The following TRAF1 variants were observed in gnomAD, a reference collection of about 807,000 sequenced individuals.
TRAF1 encodes TNF receptor-associated factor 1.
Under a neutral mutation model 40.9 loss-of-function variants are expected in TRAF1, and 23 were observed. That is an observed-to-expected ratio of 0.56 (90% CI 0.40 to 0.80). The LOEUF (loss-of-function observed/expected upper bound fraction) is 0.80. TRAF1 is among the 30% of genes least tolerant of loss of function. The pLI, the probability that TRAF1 is intolerant of heterozygous loss-of-function variation, is 0.00. For synonymous variants in TRAF1, 206 were observed against 218.8 expected, an observed-to-expected ratio of 0.94 and a Z score of 0.52; for missense variants, 477 against 528.7, an observed-to-expected ratio of 0.90 and a Z score of 0.96.
intron 3 of TRAF1, among the ~76,000 whole-genome samples, chr9:120,918,951 C>T (rs1028558331): frequency 2.6e-5 from 4 of 152,158 alleles, no homozygotes; most frequent in Non-Finnish European, 4.4e-5. Context: ...GTGGAGAAGC[C>T]GAAGCCCAGG....
rs752861714 is a variant in TRAF1 at position 120,913,700 on chromosome 9, G to A, written c.333C>T (p.Ser111=). The A allele has an allele frequency of 1.9e-6, 3 of 1,604,440 alleles. No individual in the cohort carries two copies. The highest frequency in any genetic ancestry group is 4.5e-5 in the East Asian group (2 of 44,708). ...ACAGCAGGTTTAGGTGGGAGGTCTGGGAGGTGACCTCATGCTCTTGCACAG... is the reference window on the plus strand; with the variant it reads ...ACAGCAGGTTTAGGTGGGAGGTCTGAGAGGTGACCTCATGCTCTTGCACAG... ...PQSVQEHEVT[S]QTSHLNLLLG... is the part of the protein sequence containing the mutation. The change falls in exon 5 of 8, where the codon TCC becomes TCT. Residue 111 remains serine, a synonymous_variant. Transcript: ENST00000373887.
Position 120,904,056 on chromosome 9 carries a change from A to G in TRAF1, c.*964T>C, listed in dbSNP as rs2046460300. The G allele has an allele frequency of 6.6e-6, 1 of 152,272 alleles. No homozygotes were observed. The highest frequency in any genetic ancestry group is 2.4e-5 in the African/African-American group (1 of 41,474). The allele number at this position is 152,272 out of a possible 1,614,324, so 9.4% of individuals were successfully genotyped here. On this transcript the variant is annotated 3_prime_UTR_variant, in exon 8 of 8. Transcript: ENST00000373887. ...GTCTGCTGAAAGAAGTGGATGCCTC[A>G]GTTAATCAGGTGTTACGGGATTCTG...
chr9:120,920,592 C>G (rs2046598468), intron 3 of TRAF1, among the ~76,000 whole-genome samples: 1 of 152,176 alleles, frequency 6.6e-6, no homozygotes, highest in Non-Finnish European at 1.5e-5. Flanking sequence ...ATCTCCAGCC[C>G]CCTGGCATCC....
chr9:120,918,508 C>G (rs545087181), intron 3 of TRAF1, among the ~76,000 whole-genome samples: 2 of 152,126 alleles, frequency 1.3e-5, no homozygotes, highest in Admixed American at 1.3e-4. Context: ...CGGGACATCT[C>G]CCAGTCCCAA....
intron 6 of TRAF1, among the ~76,000 whole-genome samples, chr9:120,910,600 T>C (rs774574468): frequency 1.3e-5 from 2 of 152,192 alleles, no homozygotes; most frequent in Non-Finnish European, 2.9e-5. Flanking sequence ...TCTTGTTACG[T>C]TGCCCAGGCT....
chr9:120,904,856 C>G lies in TRAF1; in HGVS notation c.*164G>C. 1.4e-6 allele frequency: 1 copy of G among 725,050 alleles called. No individual in the cohort carries two copies. Among genetic ancestry groups the G allele is most frequent in the Non-Finnish European group, 2.2e-6 (1 of 445,890 alleles). The allele number at this position is 725,050 out of a possible 1,614,324, so 44.9% of individuals were successfully genotyped here. A position where few individuals can be genotyped will look rare whatever the true frequency, so the allele number is the denominator to read the frequency against. Reference sequence around the variant, plus strand: ...GTGGGCCCAGCCCACGTCCTGCCATCCTAACCAGATGGCCAGCCCGAAGTC... The same window carrying G: ...GTGGGCCCAGCCCACGTCCTGCCATGCTAACCAGATGGCCAGCCCGAAGTC... On this transcript the variant is annotated 3_prime_UTR_variant, in exon 8 of 8. Coordinates refer to ENST00000373887, the MANE Select transcript of TRAF1 (RefSeq NM_005658.5).
chr9:120,913,242 A>C, intron 5 of TRAF1, 86 bp downstream of exon 5: 1 of 1,458,692 alleles, frequency 6.9e-7, no homozygotes, highest in Non-Finnish European at 9.2e-7. Context: ...AAGCAGGATG[A>C]ATGATTAGGA....
chr9:120,913,183 G>C (rs1449680522), intron 5 of TRAF1, 145 bp downstream of exon 5: 1 of 1,061,204 alleles, frequency 9.4e-7, no homozygotes, highest in African/African-American at 1.6e-5. Flanking sequence ...GCTCTTCCTG[G>C]AAGGGTGTGG....
chr9:120,911,602 G>C lies in TRAF1; in HGVS notation c.706-89C>G, dbSNP rs527618081. ...GGGATGTGGAGATTGATCTGCCCCAGATGTGTTTTGCTGACCACGCCTCAC... is the reference window on the plus strand; with the variant it reads ...GGGATGTGGAGATTGATCTGCCCCACATGTGTTTTGCTGACCACGCCTCAC... On this transcript the variant is annotated intron_variant, in intron 5 of 7. Transcript: ENST00000373887. 32 of 1,486,002 alleles carry C rather than the reference G, an allele frequency of 2.2e-5. 1 individual carries two copies. Among genetic ancestry groups the C allele is most frequent in the Non-Finnish European group, 2.8e-5 (31 of 1,094,266 alleles). The allele number at this position is 1,486,002 out of a possible 1,614,324, so 92.1% of individuals were successfully genotyped here.
intron 5 of TRAF1, 119 bp downstream of exon 5, chr9:120,913,209 C>T (rs773054741): frequency 2.5e-5 from 32 of 1,264,722 alleles, no homozygotes; most frequent in African/African-American, 7.6e-5. Context: ...AGGGGAGATA[C>T]GTTTTGATGG....
rs1290921202 is a variant in TRAF1, at chr9:120,902,520, GGGC to G, written c.*2497_*2499del. ...TGGGCAGGGCGGGGGGTGGGGGGGG[GGGC>G]GGTGGGCACTGCTGCATCTGATGCT... On this transcript the variant is annotated 3_prime_UTR_variant, in exon 8 of 8. Coordinates refer to ENST00000373887, the MANE Select transcript of TRAF1 (RefSeq NM_005658.5). 2 of 144,958 alleles carry G rather than the reference GGGC, an allele frequency of 1.4e-5. No individual in the cohort carries two copies. Among genetic ancestry groups the G allele is most frequent in the East Asian group, 4.3e-4 (2 of 4,618 alleles). 9.0% of individuals were successfully genotyped at this position (144,958 alleles called of 1,614,324 possible). A position where few individuals can be genotyped will look rare whatever the true frequency, so the allele number is the denominator to read the frequency against.
chr9:120,914,324 G>C lies in TRAF1; in HGVS notation c.229-24C>G, dbSNP rs754634484. 10 of 1,462,074 alleles carry C rather than the reference G, an allele frequency of 6.8e-6. No homozygotes were observed. The African/African-American group carries it at 1.4e-4, about 21-fold the overall frequency. The allele number at this position is 1,462,074 out of a possible 1,614,324, so 90.6% of individuals were successfully genotyped here. A position where few individuals can be genotyped will look rare whatever the true frequency, so the allele number is the denominator to read the frequency against. ...GCCTGGAAATAATAATCACATCACT[G>C]AATGTTATAGCGATCCCTGTGGCTA... On this transcript the variant is annotated intron_variant, in intron 3 of 7. Coordinates refer to ENST00000373887, the MANE Select transcript of TRAF1 (RefSeq NM_005658.5).
intron 5 of TRAF1, 110 bp from the exon 6 acceptor site, chr9:120,911,623 C>T (rs983732977): frequency 3.9e-6 from 5 of 1,295,020 alleles, no homozygotes; most frequent in Non-Finnish European, 5.3e-6. Flanking sequence ...CTGACCACGC[C>T]TCACTCAGGT....
intron 7 of TRAF1, 82 bp from the exon 8 acceptor site, chr9:120,905,320 C>A: frequency 7.2e-7 from 1 of 1,388,398 alleles, no homozygotes; most frequent in Non-Finnish European, 9.9e-7. Context: ...CAGAGCTGTG[C>A]TCCACACCTA....
In TRAF1 at chr9:120,925,977, G is replaced by A. The variant is rs2046637584; in HGVS notation, c.99C>T (p.Pro33=). ...GACAGCCTGCACAGCAGAGAGCCCT[G>A]GGCTCCTTTGGGTCCTGGCAGACGG... ...PPTVCQDPKE[P]RALCCAGCLS... The change falls in exon 2 of 8, where the codon CCC becomes CCT. Residue 33 remains proline, a synonymous_variant. Coordinates refer to ENST00000373887, the MANE Select transcript of TRAF1 (RefSeq NM_005658.5). 6.2e-7 allele frequency: 1 copy of A among 1,613,784 alleles called. No homozygotes were observed. The highest frequency in any genetic ancestry group is 1.7e-4 in the Middle Eastern group (1 of 6,052).
At chr9:120,914,549 A>G in intron 3 of TRAF1, 1 of 1,149,172 alleles carries the variant, frequency 8.7e-7, no homozygotes, top group Non-Finnish European at 1.1e-6. Context: ...GTCAGGGCAC[A>G]GTCCACACAG....
At chr9:120,918,144 C>T (rs896683071) in intron 3 of TRAF1, among the ~76,000 whole-genome samples, 8 of 152,028 alleles carry the variant, frequency 5.3e-5, no homozygotes, top group East Asian at 1.9e-4. Flanking sequence ...TCCAGAACTG[C>T]GAGGAAATAC....
At chr9:120,916,227 C>T (rs147307741) in intron 3 of TRAF1, among the ~76,000 whole-genome samples, 13 of 152,296 alleles carry the variant, frequency 8.5e-5, no homozygotes, top group Middle Eastern at 3.4e-3. Flanking sequence ...TCCATTCTTA[C>T]GAGCTTCTAG....
chr9:120,917,636 C>T (rs1230570094), intron 3 of TRAF1, among the ~76,000 whole-genome samples: 1 of 152,148 alleles, frequency 6.6e-6, no homozygotes, highest in Non-Finnish European at 1.5e-5. Flanking sequence ...CCTGGAGGCC[C>T]AAGGGGAGGA....
Sources: allele counts gnomAD v4.1 joint callset (sites outside exome capture counted in the v4.1 genomes callset), GRCh38; gene constraint gnomAD v4.1.1; transcripts MANE v1.5; gene names NCBI Gene and HGNC (gene_info 2026-07-23, HGNC 2026-07-21).